The following CCSER1 variants were observed in gnomAD, a reference collection of about 807,000 sequenced individuals.
The protein encoded by CCSER1 is coiled-coil serine rich protein 1.
CCSER1 carries 41 observed loss-of-function variants against 82.0 expected under a neutral mutation model. The observed-to-expected ratio is 0.50, with a 90% CI of 0.39 to 0.65. The LOEUF (loss-of-function observed/expected upper bound fraction) is 0.65. Ranked by LOEUF, CCSER1 falls within the 30% of genes least tolerant of loss-of-function variation. CCSER1 has a pLI of 0.00. For synonymous variants in CCSER1, 414 were observed against 383.9 expected (o/e 1.08, Z -0.92); for missense variants, 1,119 against 1,064.2 (o/e 1.05, Z -0.72).
chr4:90,917,387 C>G (rs982589711), intron 8 of CCSER1, among the ~76,000 whole-genome samples: 2 of 152,118 alleles, frequency 1.3e-5, no homozygotes, highest in African/African-American at 4.8e-5. Flanking sequence ...AGCTGGAAAC[C>G]ATCATTCTCA....
intron 4 of CCSER1, among the ~76,000 whole-genome samples, chr4:90,424,445 G>A (rs909676590): frequency 1.2e-4 from 18 of 151,854 alleles, no homozygotes; most frequent in Non-Finnish European, 2.2e-4. Flanking sequence ...TCAGTATACC[G>A]CTAACTATAA....
At chr4:91,149,329 G>C (rs1729887376) in intron 10 of CCSER1, among the ~76,000 whole-genome samples, 1 of 152,154 alleles carries the variant, frequency 6.6e-6, no homozygotes, top group African/African-American at 2.4e-5. Flanking sequence ...TGATGGGGTT[G>C]ATTTTTTCTC....
chr4:91,248,755 A>G (rs559534063), intron 10 of CCSER1, among the ~76,000 whole-genome samples: 1 of 151,452 alleles, frequency 6.6e-6, no homozygotes, highest in East Asian at 1.9e-4. Context: ...ATGAAAAAAG[A>G]TATCGACTTT....
intron 1 of CCSER1, among the ~76,000 whole-genome samples, chr4:90,163,206 A>G (rs1729786254): frequency 6.6e-6 from 1 of 152,108 alleles, no homozygotes; most frequent in Admixed American, 6.6e-5. Context: ...TGCTAAATTT[A>G]AGCATTGCAT....
intron 5 of CCSER1, among the ~76,000 whole-genome samples, chr4:90,559,264 C>T (rs1341939059): frequency 2.0e-5 from 3 of 152,080 alleles, no homozygotes; most frequent in Non-Finnish European, 4.4e-5. Context: ...GGTTCTAATT[C>T]CTGAGATAGT....
chr4:90,356,944 A>G (rs1421166120), intron 3 of CCSER1, among the ~76,000 whole-genome samples: 3 of 151,928 alleles, frequency 2.0e-5, no homozygotes, highest in East Asian at 3.9e-4. Context: ...ATAAATGTAT[A>G]CATAAATAGA....
intron 9 of CCSER1, among the ~76,000 whole-genome samples, chr4:90,948,200 A>G (rs879656706): frequency 4.6e-5 from 7 of 152,000 alleles, no homozygotes; most frequent in Admixed American, 6.6e-5. Context: ...TTTTCATTGT[A>G]CAACAATAGT....
intron 1 of CCSER1, among the ~76,000 whole-genome samples, chr4:90,258,075 A>G (rs1040625232): frequency 1.3e-5 from 2 of 152,174 alleles, no homozygotes; most frequent in African/African-American, 4.8e-5. Context: ...TGTTAACTCC[A>G]ATCATTTGAA....
chr4:91,060,164 T>G (rs542791561), intron 9 of CCSER1, among the ~76,000 whole-genome samples: 1 of 152,194 alleles, frequency 6.6e-6, no homozygotes, highest in East Asian at 1.9e-4. Flanking sequence ...TCATGAACTA[T>G]TGAAATGTTA....
chr4:90,537,613 T>C (rs1775575112), intron 5 of CCSER1, among the ~76,000 whole-genome samples: 5 of 152,190 alleles, frequency 3.3e-5, no homozygotes, highest in Admixed American at 3.3e-4. Flanking sequence ...TTTCTTCTGC[T>C]TTGTGGTTGC....
intron 10 of CCSER1, among the ~76,000 whole-genome samples, chr4:91,163,139 T>C (rs947801599): frequency 2.6e-5 from 4 of 152,254 alleles, no homozygotes; most frequent in Non-Finnish European, 4.4e-5. Context: ...GTGTCTTTGT[T>C]CTCATTGGTT....
At chr4:91,295,025 G>A (rs747666468) in intron 10 of CCSER1, among the ~76,000 whole-genome samples, 25 of 151,904 alleles carry the variant, frequency 1.6e-4, no homozygotes, top group Non-Finnish European at 3.2e-4. Flanking sequence ...GGTAGAAGAC[G>A]ATACTCTTAA....
intron 3 of CCSER1, among the ~76,000 whole-genome samples, chr4:90,374,310 G>A (rs1234868558): frequency 6.6e-6 from 1 of 152,122 alleles, no homozygotes; most frequent in African/African-American, 2.4e-5. Context: ...TTAATAAGGA[G>A]AAATTGGAAA....
chr4:91,218,150 C>G (rs867913822), intron 10 of CCSER1, among the ~76,000 whole-genome samples: 2 of 152,250 alleles, frequency 1.3e-5, no homozygotes, highest in African/African-American at 4.8e-5. Flanking sequence ...AGAAATCGAG[C>G]ACAGCACGGT....
At position 90,611,059 on chromosome 4, in the gene CCSER1, C is replaced by CT. The variant is rs201354908; in HGVS notation, c.1725-16946dup. 8.6e-3 allele frequency among the ~76,000 whole-genome samples: 811 copies of CT among 93,814 alleles called. 29 individuals carry two copies. Among genetic ancestry groups the CT allele is most frequent in the South Asian group, 0.021 (52 of 2,488 alleles). 61.5% of individuals were successfully genotyped at this position (93,814 alleles called of 152,430 possible). On this transcript the variant is annotated intron_variant, in intron 5 of 10. Coordinates refer to ENST00000509176, the MANE Select transcript of CCSER1 (RefSeq NM_001145065.2). The stretch of plus-strand genomic sequence containing the variant: ...TGCCTGGCTAATTTTCTTTTCTTTT[C>CT]TTTTTTTTTTTTTTTTTTTTGTAGA...
chr4:91,090,083 C>T (rs932828025), intron 10 of CCSER1, among the ~76,000 whole-genome samples: 2 of 152,202 alleles, frequency 1.3e-5, no homozygotes, highest in African/African-American at 4.8e-5. Context: ...CCGATATCCC[C>T]ATGAGCCATC....
At chr4:90,607,648 C>T (rs1278841669) in intron 5 of CCSER1, among the ~76,000 whole-genome samples, 1 of 152,110 alleles carries the variant, frequency 6.6e-6, no homozygotes, top group Non-Finnish European at 1.5e-5. Context: ...GAATAGGGGC[C>T]CATCGTTCTC....
chr4:90,366,217 CAAAT>C (rs1389951693), intron 3 of CCSER1, among the ~76,000 whole-genome samples: 3 of 149,174 alleles, frequency 2.0e-5, no homozygotes, highest in East Asian at 1.9e-4. Flanking sequence ...ATTATGTTTC[CAAAT>C]AAATATCTTA....
At chr4:90,366,962 A>G (rs551368278) in intron 3 of CCSER1, among the ~76,000 whole-genome samples, 2 of 151,930 alleles carry the variant, frequency 1.3e-5, no homozygotes, top group South Asian at 2.1e-4. Context: ...ACCTGTTTGC[A>G]TACAATACCA....
Sources: gnomAD v4.1 joint callset for allele counts (sites outside exome capture counted in the v4.1 genomes callset) on GRCh38, gnomAD v4.1.1 for gene constraint, MANE v1.5 for transcripts, NCBI Gene and HGNC (gene_info 2026-07-23, HGNC 2026-07-21) for gene names.